The following RSU1 variants were observed in gnomAD, a reference collection of about 807,000 sequenced individuals.
RSU1 encodes rsu-1.
Under a neutral mutation model 31.1 loss-of-function variants are expected in RSU1, and 26 were observed. That is an observed-to-expected ratio of 0.84 (90% CI 0.61 to 1.16). The LOEUF (loss-of-function observed/expected upper bound fraction) is 1.16, where lower values mean the gene tolerates loss of function less well. RSU1 is among the 50% of genes most tolerant of loss of function. The probability of loss-of-function intolerance (pLI) is 0.00; values close to 1 mark genes in which losing one functional copy is unlikely to be tolerated. For synonymous variants in RSU1, 164 were observed against 136.3 expected, an observed-to-expected ratio of 1.20 and a Z score of -1.41; for missense variants, 320 against 339.1, an observed-to-expected ratio of 0.94 and a Z score of 0.44.
At chr10:16,745,493 G>T (rs1443571749) in intron 7 of RSU1, among the ~76,000 whole-genome samples, 2 of 152,180 alleles carry the variant, frequency 1.3e-5, no homozygotes, top group African/African-American at 4.8e-5. Flanking sequence ...CACAATCATG[G>T]TGGAAGGCAA....
chr10:16,814,370 C>G (rs1338942129), intron 2 of RSU1, among the ~76,000 whole-genome samples: 1 of 149,416 alleles, frequency 6.7e-6, no homozygotes, highest in Non-Finnish European at 1.5e-5. Flanking sequence ...ATTGCTTGAG[C>G]CTGGGAGGGT....
At chr10:16,677,806 T>G (rs1238657023) in intron 8 of RSU1, among the ~76,000 whole-genome samples, 1 of 152,216 alleles carries the variant, frequency 6.6e-6, no homozygotes, top group African/African-American at 2.4e-5. Flanking sequence ...TCTTAGGAAT[T>G]ATCCAGAATT....
At chr10:16,642,861 A>G (rs73601064) in intron 8 of RSU1, among the ~76,000 whole-genome samples, 50,548 of 152,024 alleles carry the variant, frequency 0.33, 9,419 homozygotes, top group African/African-American at 0.5. Context: ...GGTTTATTGA[A>G]GTATAATTTA....
intron 8 of RSU1, among the ~76,000 whole-genome samples, chr10:16,669,060 C>A (rs897534029): frequency 6.6e-6 from 1 of 152,104 alleles, no homozygotes; most frequent in East Asian, 1.9e-4. Context: ...CTTTGACCTG[C>A]AGTCTATTAC....
intron 8 of RSU1, among the ~76,000 whole-genome samples, chr10:16,694,430 T>C (rs934197113): frequency 2.6e-5 from 4 of 152,244 alleles, no homozygotes; most frequent in African/African-American, 9.6e-5. Flanking sequence ...TGTTCTGATC[T>C]GAATGGTGAA....
At chr10:16,594,360 A>T (rs1043546514) in intron 8 of RSU1, among the ~76,000 whole-genome samples, 7 of 149,300 alleles carry the variant, frequency 4.7e-5, no homozygotes, top group Non-Finnish European at 8.9e-5. Context: ...GAATATGCAC[A>T]CTCTCTGGAT....
intron 8 of RSU1, among the ~76,000 whole-genome samples, chr10:16,613,055 C>T (rs1833920329): frequency 6.6e-6 from 1 of 152,122 alleles, no homozygotes; most frequent in Admixed American, 6.5e-5. Context: ...TTCAATTCAA[C>T]ACCCAGAATA....
Position 16,606,166 on chromosome 10 carries a change from C to T in RSU1, c.732-12670G>A, listed in dbSNP as rs528993487. 9.9e-5 allele frequency among the ~76,000 whole-genome samples: 15 copies of T among 152,158 alleles called. 1 individual carries two copies. In the South Asian group the frequency reaches 2.3e-3, roughly 23 times the overall value. ...TCTTGCGGACACTTTTGTACAGTAC[C>T]GTGACCAGGGTGATTCTACTAAATT... On this transcript the variant is annotated intron_variant, in intron 8 of 8. Transcript: ENST00000345264.
chr10:16,801,389 A>T lies in RSU1; in HGVS notation c.109+15584T>A, dbSNP rs74994771. Among the ~76,000 whole-genome samples the T allele has an allele frequency of 2.2e-4, 33 of 152,322 alleles. 1 individual carries two copies. In the East Asian group the frequency reaches 6.2e-3, roughly 28 times the overall value. ...TCTAACAACAGCGTCAAAATATGTT[A>T]GACAAAAACTTATAGAAATGCAAAG... On this transcript the variant is annotated intron_variant, in intron 2 of 8. Transcript: ENST00000345264.
chr10:16,701,121 C>T (rs934781379), intron 7 of RSU1, among the ~76,000 whole-genome samples: 3 of 152,028 alleles, frequency 2.0e-5, no homozygotes, highest in Admixed American at 6.5e-5. Context: ...CATTAATTAC[C>T]GATTTGGAGA....
intron 8 of RSU1, among the ~76,000 whole-genome samples, chr10:16,649,001 G>A (rs974828724): frequency 2.6e-5 from 4 of 152,124 alleles, no homozygotes; most frequent in African/African-American, 9.7e-5. Flanking sequence ...TCTATAAAAT[G>A]ATTCCGTTCT....
At chr10:16,636,914 CTGTT>C (rs1834352951) in intron 8 of RSU1, among the ~76,000 whole-genome samples, 1 of 152,194 alleles carries the variant, frequency 6.6e-6, no homozygotes, top group Non-Finnish European at 1.5e-5. Flanking sequence ...CATCTGTTCA[CTGTT>C]TGTCTCCCCA....
intron 8 of RSU1, among the ~76,000 whole-genome samples, chr10:16,628,083 C>A (rs546061900): frequency 6.6e-6 from 1 of 152,310 alleles, no homozygotes; most frequent in East Asian, 1.9e-4. Context: ...CTGACACTCA[C>A]AGAGGGTACT....
intron 2 of RSU1, among the ~76,000 whole-genome samples, chr10:16,788,048 A>G (rs751108289): frequency 1.5e-4 from 23 of 152,246 alleles, no homozygotes; most frequent in Non-Finnish European, 3.2e-4. Flanking sequence ...TCTGTCCACC[A>G]GACAAAGCAT....
At chr10:16,739,014 A>T (rs563881473) in intron 7 of RSU1, among the ~76,000 whole-genome samples, 1 of 152,230 alleles carries the variant, frequency 6.6e-6, no homozygotes, top group African/African-American at 2.4e-5. Context: ...TTCCAGCTTC[A>T]TCCATGTCTC....
chr10:16,594,316 G>A (rs933897935), intron 8 of RSU1, among the ~76,000 whole-genome samples: 12 of 152,128 alleles, frequency 7.9e-5, no homozygotes, highest in Admixed American at 3.3e-4. Flanking sequence ...TGACGTCCCT[G>A]TACCAGGTGG....
intron 8 of RSU1, among the ~76,000 whole-genome samples, chr10:16,617,031 G>A (rs61007663): frequency 0.065 from 9,898 of 152,276 alleles, 861 homozygotes; most frequent in African/African-American, 0.2. Context: ...ACTAGGAAGA[G>A]AGGAAGTCAA....
At chr10:16,807,691 GC>G (rs1221498259) in intron 2 of RSU1, among the ~76,000 whole-genome samples, 1 of 152,078 alleles carries the variant, frequency 6.6e-6, no homozygotes, top group East Asian at 1.9e-4. Flanking sequence ...GGCAGGGCTA[GC>G]CCAATAACAC....
At chr10:16,699,291 C>T (rs997835273) in intron 7 of RSU1, among the ~76,000 whole-genome samples, 3 of 152,156 alleles carry the variant, frequency 2.0e-5, no homozygotes, top group Admixed American at 6.5e-5. Context: ...TGCAACCCTC[C>T]CAGCAAGCGA....
Sources: allele counts gnomAD v4.1 joint callset (sites outside exome capture counted in the v4.1 genomes callset), GRCh38; gene constraint gnomAD v4.1.1; transcripts MANE v1.5; gene names NCBI Gene and HGNC (gene_info 2026-07-23, HGNC 2026-07-21).